LHFPL2: variants seen among roughly 807,000 people sequenced by gnomAD.
The protein encoded by LHFPL2 is LHFPL tetraspan subfamily member 2 protein.
A neutral mutation model predicts 17.5 loss-of-function variants in LHFPL2; 7 were observed. That is an observed-to-expected ratio of 0.40 (90% CI 0.23 to 0.75). The LOEUF is 0.75. Ranked by LOEUF, LHFPL2 falls within the 30% of genes least tolerant of loss-of-function variation. LHFPL2 has a pLI of 0.37. For synonymous variants in LHFPL2, 134 were observed against 116.2 expected, an observed-to-expected ratio of 1.15 and a Z score of -0.99; for missense variants, 241 against 294.8, an observed-to-expected ratio of 0.82 and a Z score of 1.34.
intron 4 of LHFPL2, among the ~76,000 whole-genome samples, chr5:78,505,418 A>G (rs1754902571): frequency 6.6e-6 from 1 of 152,176 alleles, no homozygotes; most frequent in African/African-American, 2.4e-5. Flanking sequence ...CAACGGCTAG[A>G]AGCTGCCTCC....
intron 1 of LHFPL2, among the ~76,000 whole-genome samples, chr5:78,634,332 G>A (rs1424771638): frequency 6.6e-6 from 1 of 152,234 alleles, no homozygotes; most frequent in African/African-American, 2.4e-5. Context: ...CTGTGCTGCA[G>A]GAACTCACAG....
chr5:78,575,938 T>TGC (rs1757119963), intron 2 of LHFPL2, among the ~76,000 whole-genome samples: 1 of 152,206 alleles, frequency 6.6e-6, no homozygotes, highest in African/African-American at 2.4e-5. Context: ...CTGTCACCTA[T>TGC]GCTGGAGCGC....
chr5:78,523,361 ATATGT>A (rs1427925911), intron 3 of LHFPL2, among the ~76,000 whole-genome samples: 1 of 152,146 alleles, frequency 6.6e-6, no homozygotes, highest in Non-Finnish European at 1.5e-5. Context: ...ACTACTTTAA[ATATGT>A]TAGGCACTCA....
intron 2 of LHFPL2, among the ~76,000 whole-genome samples, chr5:78,601,505 C>G (rs1424726431): frequency 2.0e-5 from 3 of 152,162 alleles, no homozygotes; most frequent in Non-Finnish European, 4.4e-5. Context: ...CAGCCTCCCC[C>G]AAAAGGAACT....
intron 4 of LHFPL2, among the ~76,000 whole-genome samples, chr5:78,501,201 CTTTA>C (rs1398160495): frequency 6.6e-6 from 1 of 152,134 alleles, no homozygotes; most frequent in Non-Finnish European, 1.5e-5. Context: ...TGAAAATAGC[CTTTA>C]TTATCTCCTC....
At chr5:78,491,282 T>C (rs1754437018) in intron 4 of LHFPL2, 1 of 152,424 alleles carries the variant, frequency 6.6e-6, no homozygotes, top group South Asian at 2.1e-4. Flanking sequence ...CAAGGAAGTC[T>C]TTCTAACCCC....
intron 3 of LHFPL2, among the ~76,000 whole-genome samples, chr5:78,528,956 A>G (rs1755699769): frequency 1.3e-5 from 2 of 152,222 alleles, no homozygotes; most frequent in African/African-American, 4.8e-5. Context: ...GTTAATTGGC[A>G]GAGCCCTGTC....
At chr5:78,489,270 G>C (rs1026661299) in intron 4 of LHFPL2, 117 bp from the exon 5 acceptor site, 1 of 1,131,042 alleles carries the variant, frequency 8.8e-7, no homozygotes, top group South Asian at 1.5e-5. Flanking sequence ...TTCTGCAATA[G>C]AAAGTGTTGG....
rs1458942832 is a variant in LHFPL2, at chr5:78,486,719, C to G, written c.*2178G>C. 1 of 152,182 alleles carries G rather than the reference C, an allele frequency of 6.6e-6. No homozygotes were observed. The highest frequency in any genetic ancestry group is 2.4e-5 in the African/African-American group (1 of 41,420). The allele number at this position is 152,182 out of a possible 1,614,324, so 9.4% of individuals were successfully genotyped here. On this transcript the variant is annotated 3_prime_UTR_variant, in exon 5 of 5. Transcript: ENST00000380345. ...AGTTTATTATGGCCAAGAAGTCACACTCCCTTGTGACTGTTCCCAGGTTGA... is the reference window on the plus strand; with the variant it reads ...AGTTTATTATGGCCAAGAAGTCACAGTCCCTTGTGACTGTTCCCAGGTTGA...
chr5:78,524,619 G>C (rs1417466233), intron 3 of LHFPL2, among the ~76,000 whole-genome samples: 2 of 151,942 alleles, frequency 1.3e-5, no homozygotes, highest in African/African-American at 2.4e-5. Flanking sequence ...GCGGGCGCCT[G>C]TAGCCCCAGC....
At chr5:78,594,508 C>G (rs1008886484) in intron 2 of LHFPL2, among the ~76,000 whole-genome samples, 3 of 152,232 alleles carry the variant, frequency 2.0e-5, no homozygotes, top group Admixed American at 6.5e-5. Flanking sequence ...CACACAGCCA[C>G]CATCTAACAA....
At chr5:78,616,862 C>T (rs1744635384) in intron 2 of LHFPL2, among the ~76,000 whole-genome samples, 2 of 152,182 alleles carry the variant, frequency 1.3e-5, no homozygotes, top group African/African-American at 4.8e-5. Context: ...TTATCCAGCC[C>T]ACCTGCCCTA....
intron 2 of LHFPL2, among the ~76,000 whole-genome samples, chr5:78,597,392 T>C (rs1018348854): frequency 6.6e-6 from 1 of 152,244 alleles, no homozygotes; most frequent in African/African-American, 2.4e-5. Flanking sequence ...TTTCTAATTT[T>C]TTCCCAAACC....
At chr5:78,641,334 C>T (rs979709183) in intron 1 of LHFPL2, among the ~76,000 whole-genome samples, 2 of 152,226 alleles carry the variant, frequency 1.3e-5, no homozygotes, top group Non-Finnish European at 2.9e-5. Context: ...GCCAGACAAC[C>T]TGGTTACGTC....
chr5:78,498,944 G>A (rs1450705466), intron 4 of LHFPL2, among the ~76,000 whole-genome samples: 3 of 152,188 alleles, frequency 2.0e-5, no homozygotes, highest in Non-Finnish European at 2.9e-5. Flanking sequence ...CACTGGAAAC[G>A]TGTTGATAGT....
chr5:78,639,472 T>C (rs949020468), intron 1 of LHFPL2, among the ~76,000 whole-genome samples: 1 of 152,204 alleles, frequency 6.6e-6, no homozygotes, highest in African/African-American at 2.4e-5. Context: ...AATTACAGCA[T>C]GAATCCATGC....
intron 2 of LHFPL2, among the ~76,000 whole-genome samples, chr5:78,569,126 C>T (rs1328936503): frequency 6.6e-6 from 1 of 152,278 alleles, no homozygotes; most frequent in South Asian, 2.1e-4. Flanking sequence ...ATATTAAGAA[C>T]AGGGGCAAGG....
intron 2 of LHFPL2, among the ~76,000 whole-genome samples, chr5:78,579,435 G>A (rs2112439477): frequency 6.6e-6 from 1 of 152,182 alleles, no homozygotes; most frequent in Admixed American, 6.5e-5. Flanking sequence ...CTGGTGCGCT[G>A]CACCCACTAA....
At chr5:78,640,482 G>C (rs1452484703) in intron 1 of LHFPL2, among the ~76,000 whole-genome samples, 1 of 152,148 alleles carries the variant, frequency 6.6e-6, no homozygotes. Flanking sequence ...CGTCAGTTCT[G>C]TTTAAAGACA....
Sources: allele counts gnomAD v4.1 joint callset (sites outside exome capture counted in the v4.1 genomes callset), GRCh38; gene constraint gnomAD v4.1.1; transcripts MANE v1.5; gene names NCBI Gene and HGNC (gene_info 2026-07-23, HGNC 2026-07-21).